Variants in SFXN4 observed in about 807,000 individuals in gnomAD.
The protein encoded by SFXN4 is sideroflexin-4.
In SFXN4, 48 loss-of-function variants were observed where a neutral mutation model predicts 54.6. The ratio of observed to expected loss-of-function variants is 0.88; its 90% CI spans 0.70 to 1.12. The LOEUF (loss-of-function observed/expected upper bound fraction) is 1.12. Among genes scored for constraint, SFXN4 ranks in the 50% most tolerant of loss-of-function variants. The pLI, the probability that SFXN4 is intolerant of heterozygous loss-of-function variation, is 0.00. For missense variants in SFXN4, 383 were observed against 409.2 expected (o/e 0.94, Z 0.55); for synonymous variants, 130 against 145.5 (o/e 0.89, Z 0.77).
chr10:119,152,404 C>A (rs1404996378), intron 11 of SFXN4, among the ~76,000 whole-genome samples: 1 of 151,758 alleles, frequency 6.6e-6, no homozygotes, highest in African/African-American at 2.4e-5. Flanking sequence ...CTCAGCCTCC[C>A]GAGTAGCTGG....
chr10:119,153,618 G>A (rs1427588807), intron 11 of SFXN4, among the ~76,000 whole-genome samples: 1 of 152,270 alleles, frequency 6.6e-6, no homozygotes, highest in East Asian at 1.9e-4. Flanking sequence ...CCAGAAAGGG[G>A]TGTCCACTGA....
At position 119,141,016 on chromosome 10, in the gene SFXN4, C is replaced by A; in HGVS notation, c.*226G>T. On this transcript the variant is annotated 3_prime_UTR_variant, in exon 14 of 14. Transcript: ENST00000355697. ...CCCACTCCAACCGTTCCCTCAGCAA[C>A]CCCAGGGGTGTCAGACGGGGCACCC... The A allele has an allele frequency of 2.2e-6, 1 of 455,634 alleles. No homozygotes were observed. Among genetic ancestry groups the A allele is most frequent in the Non-Finnish European group, 3.9e-6 (1 of 254,616 alleles). The allele number at this position is 455,634 out of a possible 1,614,324, so 28.2% of individuals were successfully genotyped here.
intron 11 of SFXN4, among the ~76,000 whole-genome samples, chr10:119,148,069 G>A (rs1014226414): frequency 2.0e-5 from 3 of 152,082 alleles, no homozygotes; most frequent in African/African-American, 7.2e-5. Context: ...CTACTTAGGA[G>A]ACTGAGAAAT....
chr10:119,145,309 T>C (rs1176549336), intron 13 of SFXN4, among the ~76,000 whole-genome samples: 2 of 67,512 alleles, frequency 3.0e-5, no homozygotes, highest in South Asian at 4.7e-4. Flanking sequence ...TTTTTTCTTA[T>C]GATTTTTTTT....
At chr10:119,145,950 G>A (rs891006484) in intron 13 of SFXN4, among the ~76,000 whole-genome samples, 6 of 152,038 alleles carry the variant, frequency 3.9e-5, no homozygotes, top group African/African-American at 9.7e-5. Flanking sequence ...AGTCTCCTGC[G>A]CAGCTGGGAC....
chr10:119,151,224 T>C (rs1022142945), intron 11 of SFXN4, among the ~76,000 whole-genome samples: 2 of 152,014 alleles, frequency 1.3e-5, no homozygotes, highest in Admixed American at 6.5e-5. Flanking sequence ...AAAAAATTAG[T>C]TGGGCGCAGT....
intron 10 of SFXN4, among the ~76,000 whole-genome samples, chr10:119,155,479 C>T (rs1036749386): frequency 3.3e-5 from 5 of 151,904 alleles, no homozygotes; most frequent in Non-Finnish European, 7.4e-5. Flanking sequence ...GAAACATATT[C>T]CTCCCTCGTC....
At chr10:119,161,424 C>CAAA (rs1589648449) in intron 3 of SFXN4, among the ~76,000 whole-genome samples, 1 of 50,284 alleles carries the variant, frequency 2.0e-5, no homozygotes, top group Non-Finnish European at 4.6e-5. Flanking sequence ...ACAACAACAA[C>CAAA]AACAAAAAAA....
chr10:119,142,065 G>A (rs372798647), intron 13 of SFXN4, among the ~76,000 whole-genome samples: 1 of 152,232 alleles, frequency 6.6e-6, no homozygotes, highest in East Asian at 1.9e-4. Context: ...GCCAGGTGTG[G>A]TAGTACGTTC....
chr10:119,157,620 T>C (rs1847324784), intron 9 of SFXN4, 48 bp downstream of exon 9: 3 of 1,424,848 alleles, frequency 2.1e-6, no homozygotes, highest in East Asian at 4.6e-5. Flanking sequence ...TAAAACTTCC[T>C]GGATTCTGAG....
intron 6 of SFXN4, among the ~76,000 whole-genome samples, chr10:119,158,392 G>A: frequency 6.6e-6 from 1 of 152,038 alleles, no homozygotes. Context: ...AGGCTGAGGT[G>A]GGAGGATCAC....
At chr10:119,164,537 G>C (rs987583988) in intron 1 of SFXN4, among the ~76,000 whole-genome samples, 10 of 152,094 alleles carry the variant, frequency 6.6e-5, no homozygotes, top group African/African-American at 2.2e-4. Flanking sequence ...ATACGACCTC[G>C]AAGCAATGGC....
At chr10:119,159,692 CCCTAGTCT>C (rs779442611) in intron 6 of SFXN4, 28 bp downstream of exon 6, 2 of 1,611,982 alleles carry the variant, frequency 1.2e-6, no homozygotes, top group Non-Finnish European at 1.7e-6. Flanking sequence ...CTTCCCAAGC[CCCTAGTCT>C]CCTAACGGCA....
At chr10:119,159,515 C>T (rs965213892) in intron 6 of SFXN4, among the ~76,000 whole-genome samples, 6 of 147,152 alleles carry the variant, frequency 4.1e-5, no homozygotes, top group Non-Finnish European at 9.0e-5. Flanking sequence ...TCCAGAGGCC[C>T]GGATGCCTGA....
At chr10:119,146,177 T>G (rs1270673508) in intron 13 of SFXN4, 59 bp downstream of exon 13, 1 of 960,718 alleles carries the variant, frequency 1.0e-6, no homozygotes, top group Non-Finnish European at 1.6e-6. Context: ...ATAACTTATT[T>G]TATTCTTCTA....
At chr10:119,155,653 C>T (rs909809895) in intron 10 of SFXN4, among the ~76,000 whole-genome samples, 9 of 152,074 alleles carry the variant, frequency 5.9e-5, no homozygotes, top group African/African-American at 1.2e-4. Flanking sequence ...CCACCACGCC[C>T]GGCTAATTTT....
chr10:119,146,169 A>G, intron 13 of SFXN4, 67 bp downstream of exon 13: 1 of 895,188 alleles, frequency 1.1e-6, no homozygotes. Context: ...TAAGAAGAAT[A>G]ACTTATTTTA....
chr10:119,165,535 A>C lies in SFXN4; in HGVS notation c.111+2T>G. On this transcript the variant is annotated splice_donor_variant, in intron 1 of 13. Transcript: ENST00000355697. LOFTEE classifies it high-confidence loss of function. The stretch of plus-strand genomic sequence containing the variant: ...CCTAGTCGCGCCGGGCCCGGGCCGT[A>C]CTTGGCGCTCGGTGATCCAGAAGCG... 1 of 1,580,308 alleles carries C rather than the reference A, an allele frequency of 6.3e-7. No homozygotes were observed. The highest frequency in any genetic ancestry group is 8.6e-7 in the Non-Finnish European group (1 of 1,167,632).
intron 12 of SFXN4, among the ~76,000 whole-genome samples, chr10:119,147,386 G>A (rs143130601): frequency 6.6e-6 from 1 of 152,282 alleles, no homozygotes; most frequent in Non-Finnish European, 1.5e-5. Context: ...ATTCGGAGTC[G>A]CTGAAGCTCA....
Sources: gnomAD v4.1 joint callset for allele counts (sites outside exome capture counted in the v4.1 genomes callset) on GRCh38, gnomAD v4.1.1 for gene constraint, MANE v1.5 for transcripts, NCBI Gene and HGNC (gene_info 2026-07-23, HGNC 2026-07-21) for gene names.